CDH4: variants seen among roughly 807,000 people sequenced by gnomAD.
CDH4 encodes the protein cadherin-4.
A neutral mutation model predicts 86.0 loss-of-function variants in CDH4; 33 were observed. The ratio of observed to expected loss-of-function variants is 0.38; its 90% CI spans 0.29 to 0.51. The LOEUF is 0.51. CDH4 is among the 20% of genes least tolerant of loss of function. The pLI, the probability that CDH4 is intolerant of heterozygous loss-of-function variation, is 0.86. For synonymous variants in CDH4, 555 were observed against 549.4 expected (o/e 1.01, Z -0.14); for missense variants, 1,114 against 1,307.4 (o/e 0.85, Z 2.28).
intron 2 of CDH4, among the ~76,000 whole-genome samples, chr20:61,726,786 C>T (rs1331418045): frequency 1.3e-5 from 2 of 151,444 alleles, no homozygotes; most frequent in African/African-American, 2.4e-5. Context: ...CTGCCATCAT[C>T]GTCACCATTG....
At chr20:61,790,635 CTCCA>C (rs1363726503) in intron 4 of CDH4, among the ~76,000 whole-genome samples, 11 of 145,496 alleles carry the variant, frequency 7.6e-5, no homozygotes, top group Admixed American at 1.4e-4. Flanking sequence ...CCATTCATCT[CTCCA>C]TCCATTCACC....
At position 61,427,794 on chromosome 20, in the gene CDH4, T is replaced by C. The variant is rs867973264; in HGVS notation, c.169+172857T>C. On this transcript the variant is annotated intron_variant, in intron 2 of 15. Coordinates refer to ENST00000614565, the MANE Select transcript of CDH4 (RefSeq NM_001794.5). ...CCCTTCCCTCACTGCAGGCAGGCAGTGCATACCTAGCTCCAAGGACCTCCA... is the reference window on the plus strand; with the variant it reads ...CCCTTCCCTCACTGCAGGCAGGCAGCGCATACCTAGCTCCAAGGACCTCCA... Among the ~76,000 whole-genome samples the C allele has an allele frequency of 3.3e-5, 5 of 151,882 alleles. No individual in the cohort carries two copies. The South Asian group carries it at 8.3e-4, about 25-fold the overall frequency.
chr20:61,364,928 C>T (rs1227135951), intron 2 of CDH4, among the ~76,000 whole-genome samples: 8 of 152,118 alleles, frequency 5.3e-5, no homozygotes, highest in South Asian at 2.1e-4. Context: ...AGCAGGAACT[C>T]GGGTGGGGAG....
At chr20:61,389,795 G>T (rs73134354) in intron 2 of CDH4, among the ~76,000 whole-genome samples, 10,674 of 152,256 alleles carry the variant, frequency 0.07, 774 homozygotes, top group East Asian at 0.38. Context: ...TCCCCAAAGT[G>T]CCCATAGCAC....
intron 13 of CDH4, among the ~76,000 whole-genome samples, chr20:61,930,652 T>C (rs1374961758): frequency 6.6e-6 from 1 of 152,196 alleles, no homozygotes; most frequent in African/African-American, 2.4e-5. Flanking sequence ...CTGAGCCCTG[T>C]CCAAAGGATG....
At chr20:61,367,739 G>C (rs1222918797) in intron 2 of CDH4, among the ~76,000 whole-genome samples, 1 of 152,154 alleles carries the variant, frequency 6.6e-6, no homozygotes, top group Non-Finnish European at 1.5e-5. Flanking sequence ...ATCACCATTT[G>C]ACAAGCATCA....
chr20:61,907,581 C>G (rs553531417), intron 8 of CDH4, among the ~76,000 whole-genome samples: 1 of 152,244 alleles, frequency 6.6e-6, no homozygotes, highest in Non-Finnish European at 1.5e-5. Flanking sequence ...GTGTGTCCCA[C>G]GGCGGCGCCA....
intron 3 of CDH4, among the ~76,000 whole-genome samples, chr20:61,747,340 C>T (rs1029671911): frequency 2.6e-5 from 4 of 150,990 alleles, no homozygotes; most frequent in African/African-American, 7.3e-5. Flanking sequence ...CCCAGATCCT[C>T]GAGAAGCTGA....
chr20:61,582,367 G>C lies in CDH4; in HGVS notation c.170-161196G>C, dbSNP rs1006001783. ...GTTCAAGCGCAGTGAAAAAGGCAGC[G>C]TGAGCCCTGGGGCTTTCCCAGGGCC... On this transcript the variant is annotated intron_variant, in intron 2 of 15. Coordinates refer to ENST00000614565, the MANE Select transcript of CDH4 (RefSeq NM_001794.5). This position sits in a 1 kb window ranked among gnomAD's most constrained non-coding sequence, Gnocchi z 4.2. Among the ~76,000 whole-genome samples the C allele has an allele frequency of 6.6e-6, 1 of 152,166 alleles. No individual in the cohort carries two copies. The highest frequency in any genetic ancestry group is 2.4e-5 in the African/African-American group (1 of 41,458).
chr20:61,773,022 T>A lies in CDH4; in HGVS notation c.416T>A (p.Val139Asp), dbSNP rs187067332. The change falls in exon 4 of 16, where the codon GTC (valine) becomes GAC (aspartate). Residue 139 changes from valine to aspartate, a missense_variant. Val to Asp is a radical substitution (Grantham distance 152, BLOSUM62 -3). This residue lies in a region of CDH4 where 221 missense variants were observed against 209.5 expected (regional missense o/e 1.05). Coordinates refer to ENST00000614565, the MANE Select transcript of CDH4 (RefSeq NM_001794.5). ...SGHKPQKGKK[V>D]VALDPSPPPK... ...ATAAAGCCGCAGAAAGGAAAGAAGG[T>A]CGTGGCTCTGGACCCCTCTCCGCCT... 116 of 1,611,414 alleles carry A rather than the reference T, an allele frequency of 7.2e-5. No homozygotes were observed. The Middle Eastern group carries it at 1.7e-3, about 23-fold the overall frequency.
At chr20:61,490,387 A>G (rs1227712632) in intron 2 of CDH4, among the ~76,000 whole-genome samples, 1 of 152,188 alleles carries the variant, frequency 6.6e-6, no homozygotes, top group Non-Finnish European at 1.5e-5. Context: ...GGAAGAAGCC[A>G]AACTAATTGG....
intron 2 of CDH4, among the ~76,000 whole-genome samples, chr20:61,294,604 A>G (rs2084341974): frequency 6.6e-6 from 1 of 152,140 alleles, no homozygotes; most frequent in Non-Finnish European, 1.5e-5. Context: ...GGGACCCCAC[A>G]CATGCTGGAC....
At chr20:61,830,959 T>C (rs942003489) in intron 4 of CDH4, among the ~76,000 whole-genome samples, 2 of 152,134 alleles carry the variant, frequency 1.3e-5, no homozygotes, top group Admixed American at 1.3e-4. Flanking sequence ...GGAGGGCTCC[T>C]GGAGTGGGGT....
At chr20:61,921,539 G>A (rs915704095) in intron 9 of CDH4, among the ~76,000 whole-genome samples, 4 of 152,238 alleles carry the variant, frequency 2.6e-5, no homozygotes, top group Non-Finnish European at 5.9e-5. Context: ...ATCACCTGAG[G>A]TCAGAAGTTC....
At chr20:61,881,587 G>A (rs2386561) in intron 7 of CDH4, among the ~76,000 whole-genome samples, 64,412 of 152,182 alleles carry the variant, frequency 0.42, 16,100 homozygotes, top group Non-Finnish European at 0.56. Flanking sequence ...CTGGGCCCAG[G>A]CGGCTGGGGT....
chr20:61,319,695 C>G (rs1462392321), intron 2 of CDH4, among the ~76,000 whole-genome samples: 3 of 151,888 alleles, frequency 2.0e-5, no homozygotes, highest in Non-Finnish European at 2.9e-5. Context: ...CCTGTAATCC[C>G]AGCACTTTGG....
intron 2 of CDH4, among the ~76,000 whole-genome samples, chr20:61,727,819 C>T (rs901068781): frequency 6.6e-6 from 1 of 152,202 alleles, no homozygotes; most frequent in Admixed American, 6.5e-5. Flanking sequence ...CCCCATGACC[C>T]AAATGCCTCC....
intron 2 of CDH4, among the ~76,000 whole-genome samples, chr20:61,428,263 G>T (rs1488934562): frequency 1.2e-4 from 19 of 152,228 alleles, no homozygotes; most frequent in Admixed American, 1.1e-3. Flanking sequence ...AGCAGGTGGT[G>T]TGGGAACTAG....
At chr20:61,873,675 G>A in intron 6 of CDH4, 53 bp from the exon 7 acceptor site, 2 of 1,575,566 alleles carry the variant, frequency 1.3e-6, no homozygotes, top group South Asian at 1.2e-5. Flanking sequence ...GTGTGCGGGG[G>A]TGGCAGCCTG....
Sources: gnomAD v4.1 joint callset for allele counts (sites outside exome capture counted in the v4.1 genomes callset) on GRCh38, gnomAD v4.1.1 for gene constraint, gnomAD v4.1.1 regional missense constraint, Gnocchi (gnomAD v3.1) non-coding constraint, MANE v1.5 for transcripts, NCBI Gene and HGNC (gene_info 2026-07-23, HGNC 2026-07-21) for gene names.